KNOP1: variants seen among roughly 807,000 people sequenced by gnomAD.
KNOP1 encodes lysine-rich nucleolar protein 1.
KNOP1 carries 20 observed loss-of-function variants against 30.6 expected under a neutral mutation model. The ratio of observed to expected loss-of-function variants is 0.65; its 90% CI spans 0.46 to 0.95. The LOEUF (loss-of-function observed/expected upper bound fraction) is 0.95. Ranked by LOEUF, KNOP1 falls within the 40% of genes least tolerant of loss-of-function variation. The probability of loss-of-function intolerance (pLI) is 0.00; values close to 1 mark genes in which losing one functional copy is unlikely to be tolerated. For missense variants in KNOP1, 540 were observed against 562.0 expected (o/e 0.96, Z 0.40); for synonymous variants, 204 against 210.0 (o/e 0.97, Z 0.25).
chr16:19,708,211 A>C (rs1201112208), intron 4 of KNOP1, among the ~76,000 whole-genome samples: 2 of 151,650 alleles, frequency 1.3e-5, no homozygotes, highest in Non-Finnish European at 2.9e-5. Flanking sequence ...CACAGGGGTA[A>C]AAGGTCACAC....
intron 4 of KNOP1, among the ~76,000 whole-genome samples, chr16:19,707,720 C>A (rs1202884140): frequency 8.2e-6 from 1 of 121,660 alleles, no homozygotes; most frequent in Non-Finnish European, 1.7e-5. Context: ...GCACACTCCC[C>A]CCACGACCCT....
At chr16:19,709,059 T>A (rs1976572541) in intron 4 of KNOP1, among the ~76,000 whole-genome samples, 1 of 152,032 alleles carries the variant, frequency 6.6e-6, no homozygotes, top group African/African-American at 2.4e-5. Context: ...CCCTCCCTAT[T>A]CAAGCTGGAT....
intron 1 of KNOP1, among the ~76,000 whole-genome samples, chr16:19,715,716 T>G (rs1977018286): frequency 6.6e-6 from 1 of 152,156 alleles, no homozygotes; most frequent in South Asian, 2.1e-4. Flanking sequence ...CCACCTTGCC[T>G]GGCCTAGTTC....
chr16:19,711,539 G>A, intron 2 of KNOP1, 99 bp from the exon 3 acceptor site: 1 of 1,133,534 alleles, frequency 8.8e-7, no homozygotes, highest in Admixed American at 1.7e-5. Context: ...GTCCAGAAAA[G>A]ACCTCAGACC....
chr16:19,705,549 A>G lies in KNOP1; in HGVS notation c.*1361T>C. ...TCCTCCTGGCATTCAATATCCACCT[A>G]CAGAAGTCACCTGGGATTCTCTTCC... On this transcript the variant is annotated 3_prime_UTR_variant, in exon 5 of 5. Transcript: ENST00000219837. The G allele has an allele frequency of 3.6e-6, 1 of 275,368 alleles. No individual in the cohort carries two copies. Among genetic ancestry groups the G allele is most frequent in the African/African-American group, 2.2e-5 (1 of 44,772 alleles). 17.1% of individuals were successfully genotyped at this position (275,368 alleles called of 1,614,324 possible).
At position 19,706,748 on chromosome 16, in the gene KNOP1, T is replaced by C; in HGVS notation, c.*162A>G. The C allele has an allele frequency of 1.4e-6, 1 of 729,272 alleles. No homozygotes were observed. Among genetic ancestry groups the C allele is most frequent in the Non-Finnish European group, 2.3e-6 (1 of 432,584 alleles). 45.2% of individuals were successfully genotyped at this position (729,272 alleles called of 1,614,324 possible). ...AACTGAATAAACCATTTATGCCTAG[T>C]GTTCCATTACTGGAACGCTAAGCTT... On this transcript the variant is annotated 3_prime_UTR_variant, in exon 5 of 5. Transcript: ENST00000219837.
Position 19,706,776 on chromosome 16 carries a change from G to A in KNOP1, c.*134C>T, listed in dbSNP as rs1417797295. 1.1e-6 allele frequency: 1 copy of A among 870,108 alleles called. No individual in the cohort carries two copies. Among genetic ancestry groups the A allele is most frequent in the African/African-American group, 1.7e-5 (1 of 59,240 alleles). The allele number at this position is 870,108 out of a possible 1,614,324, so 53.9% of individuals were successfully genotyped here. A position where few individuals can be genotyped will look rare whatever the true frequency, so the allele number is the denominator to read the frequency against. ...TCCATTACTGGAACGCTAAGCTTAT[G>A]GGAGTTATTTATATCTTACTGCTCG... On this transcript the variant is annotated 3_prime_UTR_variant, in exon 5 of 5. Coordinates refer to ENST00000219837, the MANE Select transcript of KNOP1 (RefSeq NM_001012991.3).
In KNOP1 at chr16:19,714,466, A is replaced by C; in HGVS notation, c.570T>G (p.Asp190Glu). 5 of 1,612,686 alleles carry C rather than the reference A, an allele frequency of 3.1e-6. No individual in the cohort carries two copies. The highest frequency in any genetic ancestry group is 4.2e-6 in the Non-Finnish European group (5 of 1,179,684). Residue 190 changes from aspartate (D) to glutamate (E), a missense_variant, in exon 2 of 5, where the codon GAT becomes GAG. By Grantham distance (45) the Asp-to-Glu change is conservative. Coordinates refer to ENST00000219837, the MANE Select transcript of KNOP1 (RefSeq NM_001012991.3). ...TCTGCCCCAAGGCTGCCTGTTCCTC[A>C]TCCTTCTTCCCCACTGAGCAAGTGT... is the stretch of plus-strand genomic sequence containing the variant. ...VGDTCSVGKKDEEQAALGQKR... is the reference protein window; with the variant it reads ...VGDTCSVGKKEEEQAALGQKR...
chr16:19,708,319 C>G (rs1299197013), intron 4 of KNOP1, among the ~76,000 whole-genome samples: 1 of 150,902 alleles, frequency 6.6e-6, no homozygotes, highest in African/African-American at 2.5e-5. Context: ...GAGAGCCCTC[C>G]AGACCCCCTT....
chr16:19,703,795 C>T lies in KNOP1; in HGVS notation c.*3115G>A, dbSNP rs574029370. 44 of 152,276 alleles carry T rather than the reference C, an allele frequency of 2.9e-4. No homozygotes were observed. Among genetic ancestry groups the T allele is most frequent in the African/African-American group, 8.2e-4 (34 of 41,556 alleles). The allele number at this position is 152,276 out of a possible 1,614,324, so 9.4% of individuals were successfully genotyped here. The stretch of plus-strand genomic sequence containing the variant: ...AGAAAGCAAAAGGACAAGATTAAGT[C>T]CATTCTGAAGACACCCAGCATTGTG... On this transcript the variant is annotated 3_prime_UTR_variant, in exon 5 of 5. Coordinates refer to ENST00000219837, the MANE Select transcript of KNOP1 (RefSeq NM_001012991.3).
intron 1 of KNOP1, among the ~76,000 whole-genome samples, chr16:19,716,733 C>T (rs921011554): frequency 6.6e-6 from 1 of 152,174 alleles, no homozygotes; most frequent in East Asian, 1.9e-4. Flanking sequence ...TAGGTGAGCA[C>T]AGTACAGGAA....
At chr16:19,712,750 C>T (rs1976785061) in intron 2 of KNOP1, among the ~76,000 whole-genome samples, 1 of 152,354 alleles carries the variant, frequency 6.6e-6, no homozygotes, top group East Asian at 1.9e-4. Flanking sequence ...GGGCCGGACA[C>T]TGTCTGGAGC....
At chr16:19,717,804 A>G in intron 1 of KNOP1, 4 of 997,498 alleles carry the variant, frequency 4.0e-6, no homozygotes, top group Non-Finnish European at 4.8e-6. Context: ...CGGAGACTGG[A>G]ATTCCGCCCA....
intron 1 of KNOP1, chr16:19,717,916 A>G: frequency 9.0e-7 from 1 of 1,109,866 alleles, no homozygotes; most frequent in East Asian, 8.1e-5. Context: ...CAAGGCTCCC[A>G]TGGGCCCAAG....
At chr16:19,710,392 G>A (rs1358122976) in intron 4 of KNOP1, 117 bp downstream of exon 4, 2 of 974,838 alleles carry the variant, frequency 2.1e-6, no homozygotes, top group Admixed American at 1.7e-5. Context: ...GGCTAGGGCT[G>A]CCTCTGGGGC....
At chr16:19,717,103 A>G (rs919835252) in intron 1 of KNOP1, among the ~76,000 whole-genome samples, 6 of 151,772 alleles carry the variant, frequency 4.0e-5, no homozygotes, top group Non-Finnish European at 8.8e-5. Context: ...TCATCCTCCC[A>G]AAGTGCTGGG....
chr16:19,710,404 T>C (rs770155542), intron 4 of KNOP1, 105 bp downstream of exon 4: 3 of 1,111,958 alleles, frequency 2.7e-6, no homozygotes, highest in Non-Finnish European at 2.8e-6. Flanking sequence ...CTCTGGGGCC[T>C]GGACATACTT....
At chr16:19,717,864 C>A in intron 1 of KNOP1, 1 of 1,056,502 alleles carries the variant, frequency 9.5e-7, no homozygotes, top group Non-Finnish European at 1.1e-6. Context: ...GGCAGGATCA[C>A]CAGCAGGACG....
Position 19,703,541 on chromosome 16 carries a change from G to A in KNOP1, c.*3369C>T, listed in dbSNP as rs1231233876. ...GTGTTATTCTGCCAACTTCTTTTGT[G>A]AGGACTGTGTCTATTTGGCAAATTT... is the stretch of plus-strand genomic sequence containing the variant. On this transcript the variant is annotated 3_prime_UTR_variant, in exon 5 of 5. Transcript: ENST00000219837. 6.6e-6 allele frequency: 1 copy of A among 151,938 alleles called. No homozygotes were observed. The highest frequency in any genetic ancestry group is 1.5e-5 in the Non-Finnish European group (1 of 68,038). The allele number at this position is 151,938 out of a possible 1,614,324, so 9.4% of individuals were successfully genotyped here. A position where few individuals can be genotyped will look rare whatever the true frequency, so the allele number is the denominator to read the frequency against.
Sources: allele counts gnomAD v4.1 joint callset (sites outside exome capture counted in the v4.1 genomes callset), GRCh38; gene constraint gnomAD v4.1.1; transcripts MANE v1.5; gene names NCBI Gene and HGNC (gene_info 2026-07-23, HGNC 2026-07-21).